SLAMF6: variants seen among roughly 807,000 people sequenced by gnomAD.
SLAMF6 encodes the protein NK-T-B-antigen.
Under a neutral mutation model 38.3 loss-of-function variants are expected in SLAMF6, and 21 were observed. The observed-to-expected ratio is 0.55, with a 90% confidence interval of 0.39 to 0.79. The LOEUF is 0.79. Among genes scored for constraint, SLAMF6 ranks in the 30% least tolerant of loss-of-function variants. The probability of loss-of-function intolerance (pLI) is 0.00; values close to 1 mark genes in which losing one functional copy is unlikely to be tolerated. For synonymous variants in SLAMF6, 152 were observed against 146.3 expected, an observed-to-expected ratio of 1.04 and a Z score of -0.28; for missense variants, 341 against 385.3, an observed-to-expected ratio of 0.89 and a Z score of 0.96.
In SLAMF6 at chr1:160,491,315, A is replaced by G; in HGVS notation, c.456T>C (p.Thr152=). 1 of 1,614,020 alleles carries G rather than the reference A, an allele frequency of 6.2e-7. No individual in the cohort carries two copies. The highest frequency in any genetic ancestry group is 1.7e-4 in the Middle Eastern group (1 of 6,060). The part of the protein sequence containing the change: ...FQNMTCELHL[T]CSVEDADDNV... ...TGTCATCTGCATCCTCCACAGAGCA[A>G]GTCAGATGGAGCTCACAGGTCATAT... Residue 152 remains threonine (T), a synonymous_variant, in exon 3 of 8, where the codon ACT becomes ACC. Coordinates refer to ENST00000368057, the MANE Select transcript of SLAMF6 (RefSeq NM_001184714.2).
At chr1:160,508,301 CA>C (rs1654293541) in intron 1 of SLAMF6, among the ~76,000 whole-genome samples, 1 of 152,002 alleles carries the variant, frequency 6.6e-6, no homozygotes, top group African/African-American at 2.4e-5. Flanking sequence ...GTACTGGTAC[CA>C]AAACATATAT....
At chr1:160,488,156 C>T (rs186092306) in intron 6 of SLAMF6, among the ~76,000 whole-genome samples, 9 of 151,504 alleles carry the variant, frequency 5.9e-5, no homozygotes, top group Non-Finnish European at 1.2e-4. Context: ...TCAAACTCTC[C>T]AAAGCACATT....
At chr1:160,491,413 C>T in intron 2 of SLAMF6, 25 bp from the exon 3 acceptor site, 1 of 1,599,548 alleles carries the variant, frequency 6.3e-7, no homozygotes, top group Non-Finnish European at 8.5e-7. Context: ...AAAAAAGATC[C>T]AGATTAAGGA....
intron 1 of SLAMF6, among the ~76,000 whole-genome samples, chr1:160,497,787 C>T (rs936871761): frequency 3.9e-5 from 6 of 152,126 alleles, no homozygotes; most frequent in Non-Finnish European, 7.3e-5. Flanking sequence ...CAGCTCCACC[C>T]GTGTTACTGC....
chr1:160,509,669 G>A (rs983619735), intron 1 of SLAMF6, among the ~76,000 whole-genome samples: 2 of 151,714 alleles, frequency 1.3e-5, no homozygotes, highest in South Asian at 2.1e-4. Flanking sequence ...AATAAAGAAG[G>A]AGGAAATTTA....
intron 2 of SLAMF6, 104 bp from the exon 3 acceptor site, chr1:160,491,492 G>A (rs1653298583): frequency 6.8e-7 from 1 of 1,481,214 alleles, no homozygotes; most frequent in South Asian, 1.3e-5. Flanking sequence ...CACCTTTGCT[G>A]TGTGTTATGG....
intron 1 of SLAMF6, among the ~76,000 whole-genome samples, chr1:160,500,531 G>A (rs960068843): frequency 6.6e-6 from 1 of 151,370 alleles, no homozygotes; most frequent in African/African-American, 2.4e-5. Flanking sequence ...CACTCTTTTT[G>A]CACCATCAGC....
At chr1:160,493,347 T>G (rs1374916119) in intron 2 of SLAMF6, among the ~76,000 whole-genome samples, 1 of 152,210 alleles carries the variant, frequency 6.6e-6, no homozygotes, top group Non-Finnish European at 1.5e-5. Context: ...CAATGAAGCC[T>G]GTTCTGATCA....
In SLAMF6 at chr1:160,523,181, C is replaced by T; in HGVS notation, c.12G>A (p.Leu4=). The change falls in exon 1 of 8, where the codon CTG becomes CTA. Residue 4 remains leucine (L), a synonymous_variant. Transcript: ENST00000368057. ...AGAAGACAAACAGGAGCGATTGGAA[C>T]AGCCACAACATGCTTTCCGCGGTGA... MLW[L]FQSLLFVFCF... 3 of 1,613,822 alleles carry T rather than the reference C, an allele frequency of 1.9e-6. No individual in the cohort carries two copies. Among genetic ancestry groups the T allele is most frequent in the African/African-American group, 1.3e-5 (1 of 75,012 alleles).
chr1:160,512,270 A>G (rs1039071983), intron 1 of SLAMF6, among the ~76,000 whole-genome samples: 1 of 152,134 alleles, frequency 6.6e-6, no homozygotes, highest in African/African-American at 2.4e-5. Flanking sequence ...TTTAGGCTGG[A>G]CCCAGACTCA....
intron 1 of SLAMF6, among the ~76,000 whole-genome samples, chr1:160,497,421 TAG>T (rs1469172636): frequency 2.6e-5 from 4 of 152,216 alleles, no homozygotes; most frequent in Admixed American, 1.3e-4. Context: ...TGACACATAG[TAG>T]AGTCTGTGGA....
intron 6 of SLAMF6, among the ~76,000 whole-genome samples, chr1:160,488,607 C>T (rs1216431136): frequency 6.6e-6 from 1 of 152,060 alleles, no homozygotes; most frequent in Non-Finnish European, 1.5e-5. Context: ...GTTTAGTGGC[C>T]TCTACTGTGC....
chr1:160,500,370 T>C (rs900872658), intron 1 of SLAMF6, among the ~76,000 whole-genome samples: 2 of 152,222 alleles, frequency 1.3e-5, no homozygotes, highest in Admixed American at 6.5e-5. Flanking sequence ...CCAGCCCCCT[T>C]GGCTATTCCT....
chr1:160,497,404 C>T (rs954143905), intron 1 of SLAMF6, among the ~76,000 whole-genome samples: 1 of 152,176 alleles, frequency 6.6e-6, no homozygotes, highest in African/African-American at 2.4e-5. Context: ...GTACTCAGCA[C>T]CATGTCTGAC....
intron 2 of SLAMF6, among the ~76,000 whole-genome samples, chr1:160,493,375 C>T (rs1192847443): frequency 6.6e-6 from 1 of 152,114 alleles, no homozygotes; most frequent in Non-Finnish European, 1.5e-5. Context: ...TAAAATTGTC[C>T]CCTGCTCCCT....
intron 1 of SLAMF6, among the ~76,000 whole-genome samples, chr1:160,517,897 T>G (rs1365611868): frequency 6.6e-6 from 1 of 151,990 alleles, no homozygotes; most frequent in Admixed American, 6.6e-5. Flanking sequence ...AAATAGATAA[T>G]GCATGCTGGG....
intron 1 of SLAMF6, among the ~76,000 whole-genome samples, chr1:160,498,636 TG>T (rs1406517640): frequency 6.6e-6 from 1 of 152,132 alleles, no homozygotes; most frequent in Non-Finnish European, 1.5e-5. Context: ...CCATGACATG[TG>T]GGAATAATGG....
intron 2 of SLAMF6, among the ~76,000 whole-genome samples, chr1:160,493,910 A>G (rs577360985): frequency 6.6e-6 from 1 of 152,224 alleles, no homozygotes; most frequent in Admixed American, 6.5e-5. Flanking sequence ...CTTTCATGAG[A>G]GCTCACTATC....
At chr1:160,494,421 C>T (rs150669839) in intron 2 of SLAMF6, among the ~76,000 whole-genome samples, 2 of 152,300 alleles carry the variant, frequency 1.3e-5, no homozygotes, top group African/African-American at 4.8e-5. Context: ...CAGTGTCCTA[C>T]ACTGCCTTGA....
Sources: allele counts gnomAD v4.1 joint callset (sites outside exome capture counted in the v4.1 genomes callset), GRCh38; gene constraint gnomAD v4.1.1; transcripts MANE v1.5; gene names NCBI Gene and HGNC (gene_info 2026-07-23, HGNC 2026-07-21).